CTDNEP1: variants seen among roughly 807,000 people sequenced by gnomAD.
CTDNEP1 encodes the protein C-terminal domain nuclear envelope phosphatase 1.
Under a neutral mutation model 30.1 loss-of-function variants are expected in CTDNEP1, and 3 were observed. That is an observed-to-expected ratio of 0.10 (90% confidence interval 0.05 to 0.26). The LOEUF is 0.26. CTDNEP1 is among the 10% of genes least tolerant of loss of function. The pLI, the probability that CTDNEP1 is intolerant of heterozygous loss-of-function variation, is 1.00. For missense variants in CTDNEP1, 158 were observed against 310.4 expected (o/e 0.51, Z 3.69); for synonymous variants, 123 against 118.8 (o/e 1.04, Z -0.23).
rs1421732924 is a variant in CTDNEP1 at position 7,247,269 on chromosome 17, ATACT to A, written c.169+4_169+7del. ...CACCCTAAAGGAGGCTTCCCACCAC[ATACT>A]TACCTAGCCGATTCCGGGACACAGG... On this transcript the variant is annotated splice_donor_5th_base_variant and intron_variant, in intron 2 of 7. Coordinates refer to ENST00000574322, the MANE Select transcript of CTDNEP1 (RefSeq NM_001143775.2). The A allele has an allele frequency of 3.7e-6, 6 of 1,613,710 alleles. No homozygotes were observed. The highest frequency in any genetic ancestry group is 5.1e-6 in the Non-Finnish European group (6 of 1,179,898).
At chr17:7,251,827 G>GGGA (rs1436938800), upstream of CTDNEP1, 4 of 154,176 alleles carry the variant, frequency 2.6e-5, no homozygotes, top group Non-Finnish European at 5.8e-5. Flanking sequence ...GGGAAGGAGG[G>GGGA]GGAGGGGGAG....
At chr17:7,247,469 T>TA in intron 1 of CTDNEP1, 126 bp from the exon 2 acceptor site, 12 of 685,994 alleles carry the variant, frequency 1.7e-5, no homozygotes, top group East Asian at 2.8e-5. Flanking sequence ...TATTTCTTCT[T>TA]CTTTTTTTTT....
chr17:7,244,435 G>C (rs756396186), intron 7 of CTDNEP1, 116 bp downstream of exon 7: 2 of 1,258,464 alleles, frequency 1.6e-6, no homozygotes, highest in Non-Finnish European at 2.3e-6. Context: ...GGGTCCAAAT[G>C]TTAAATTCTT....
Position 7,244,613 on chromosome 17 carries a change from G to A in CTDNEP1, c.612C>T (p.Ser204=). 2 of 1,612,824 alleles carry A rather than the reference G, an allele frequency of 1.2e-6. No individual in the cohort carries two copies. Among genetic ancestry groups the A allele is most frequent in the Non-Finnish European group, 1.7e-6 (2 of 1,179,590 alleles). Residue 204 remains serine (S), a synonymous_variant, in exon 7 of 8, where the codon TCC becomes TCT. Transcript: ENST00000574322. The part of the protein sequence containing the change: ...SHPDNAIPIK[S]WFSDPSDTAL... The stretch of plus-strand genomic sequence containing the variant: ...CTGTGTCGCTGGGGTCACTGAACCA[G>A]GATTTGATGGGGATGGCATTGTCTA...
intron 6 of CTDNEP1, among the ~76,000 whole-genome samples, chr17:7,245,494 TTTATTTA>T (rs1289274305): frequency 6.6e-6 from 1 of 151,472 alleles, no homozygotes; most frequent in Non-Finnish European, 1.5e-5. Flanking sequence ...TTTATTTTTA[TTTATTTA>T]TTATTTATTT....
chr17:7,245,602 G>A (rs2071826595), intron 6 of CTDNEP1, among the ~76,000 whole-genome samples: 3 of 151,588 alleles, frequency 2.0e-5, no homozygotes, highest in South Asian at 2.1e-4. Flanking sequence ...GGGTTCAAGC[G>A]ATTCTCCTGC....
In CTDNEP1 at chr17:7,251,561, C is replaced by T. The variant is rs1418461521; in HGVS notation, c.-265G>A. The T allele has an allele frequency of 3.7e-5, 6 of 162,560 alleles. No homozygotes were observed. The East Asian group carries it at 9.0e-4, about 24-fold the overall frequency. 10.1% of individuals were successfully genotyped at this position (162,560 alleles called of 1,614,324 possible). On this transcript the variant is annotated 5_prime_UTR_variant, in exon 1 of 8. Transcript: ENST00000574322. ...GGCACCGACGGCTTCGGGGAGGTTG[C>T]GGGCCGAGACAGGTAGGGCTAGGAT...
chr17:7,250,821 C>T (rs1379478589), intron 1 of CTDNEP1, among the ~76,000 whole-genome samples: 1 of 152,084 alleles, frequency 6.6e-6, no homozygotes, highest in African/African-American at 2.4e-5. Context: ...ACCGAGGTTC[C>T]AAATAGGGTC....
chr17:7,246,500 C>T lies in CTDNEP1; in HGVS notation c.361-130G>A, dbSNP rs931721910. 43 of 729,658 alleles carry T rather than the reference C, an allele frequency of 5.9e-5. No homozygotes were observed. The highest frequency in any genetic ancestry group is 3.9e-4 in the Middle Eastern group (1 of 2,588). 45.2% of individuals were successfully genotyped at this position (729,658 alleles called of 1,614,324 possible). ...TCAACATCAAATGTCTCTGAGGACA[C>T]GAAATTCTGAACCCCCAGCCCAAAC... On this transcript the variant is annotated intron_variant, in intron 4 of 7. Coordinates refer to ENST00000574322, the MANE Select transcript of CTDNEP1 (RefSeq NM_001143775.2). The surrounding 1 kb of genome is among the most constrained non-coding windows in gnomAD (Gnocchi z 4.9).
At position 7,246,849 on chromosome 17, in the gene CTDNEP1, T is replaced by C; in HGVS notation, c.302A>G (p.Lys101Arg). The change falls in exon 4 of 8, where the codon AAA becomes AGA. Residue 101 changes from lysine (K) to arginine (R), a missense_variant. This residue lies in a region of CTDNEP1 where 96 missense variants were observed against 229.1 expected (regional missense o/e 0.42). Coordinates refer to ENST00000574322, the MANE Select transcript of CTDNEP1 (RefSeq NM_001143775.2). This position sits in a 1 kb window ranked among gnomAD's most constrained non-coding sequence, Gnocchi z 4.9. ...ATGTACAAAAAACCGGACAGGATGT[T>C]TGTCTATTACCACCTACAGAGGAAC... ...PDFILKVVID[K>R]HPVRFFVHKR... 6.2e-7 allele frequency: 1 copy of C among 1,614,056 alleles called. No homozygotes were observed. Among genetic ancestry groups the C allele is most frequent in the Non-Finnish European group, 8.5e-7 (1 of 1,179,944 alleles).
Position 7,244,209 on chromosome 17 carries a change from G to A in CTDNEP1, c.711C>T (p.Asn237=). The change falls in exon 8 of 8, where the codon AAC becomes AAT. Residue 237 remains asparagine, a synonymous_variant. Transcript: ENST00000574322. ...GTCACCAGAGCCGATGTTGGTGAAG[G>A]TTTCGGCTCAGCACGGAACGAACAT... The part of the protein sequence containing the change: ...TADVRSVLSR[N]LHQHRLW 1 of 1,614,086 alleles carries A rather than the reference G, an allele frequency of 6.2e-7. No individual in the cohort carries two copies. Among genetic ancestry groups the A allele is most frequent in the African/African-American group, 1.3e-5 (1 of 75,060 alleles).
At position 7,247,380 on chromosome 17, in the gene CTDNEP1, A is replaced by AACAGTAAC. The variant is rs1171324931; in HGVS notation, c.103-38_103-37insGTTACTGT. On this transcript the variant is annotated intron_variant, in intron 1 of 7. Transcript: ENST00000574322. ...ACAAAAGAGGATTGAAACCCTTGAT[A>AACAGTAAC]AGGAAGCCTTCCCCAGTAACAGTAA... 10 of 1,552,770 alleles carry AACAGTAAC rather than the reference A, an allele frequency of 6.4e-6. No individual in the cohort carries two copies. The African/African-American group carries it at 1.4e-4, about 21-fold the overall frequency.
intron 1 of CTDNEP1, among the ~76,000 whole-genome samples, chr17:7,248,914 C>T (rs1037744126): frequency 1.3e-5 from 2 of 152,154 alleles, no homozygotes; most frequent in African/African-American, 4.8e-5. Flanking sequence ...CTATTTTAAC[C>T]AGCCACCTGT....
Position 7,246,584 on chromosome 17 carries a change from G to C in CTDNEP1, c.360+207C>G. The stretch of plus-strand genomic sequence containing the variant: ...ATGATTCAGAAATGCAAGAACAAAA[G>C]AGAAAGATGCCAGCGGAAAAGAATT... On this transcript the variant is annotated intron_variant, in intron 4 of 7. Transcript: ENST00000574322. This position sits in a 1 kb window ranked among gnomAD's most constrained non-coding sequence, Gnocchi z 4.9. 3.1e-6 allele frequency: 2 copies of C among 653,910 alleles called. No homozygotes were observed. Among genetic ancestry groups the C allele is most frequent in the Non-Finnish European group, 5.4e-6 (2 of 369,698 alleles). The allele number at this position is 653,910 out of a possible 1,614,324, so 40.5% of individuals were successfully genotyped here. A position where few individuals can be genotyped will look rare whatever the true frequency, so the allele number is the denominator to read the frequency against.
At position 7,243,875 on chromosome 17, in the gene CTDNEP1, ATGTC is replaced by A. The variant is rs1470891657; in HGVS notation, c.*306_*309del. ...CTCTTTGAGCCTCCTGGATCACCGTATGTCTGTCACTCTGGCCAGTCCTGCCTCT... is the reference window on the plus strand; with the variant it reads ...CTCTTTGAGCCTCCTGGATCACCGTATGTCACTCTGGCCAGTCCTGCCTCT... On this transcript the variant is annotated 3_prime_UTR_variant, in exon 8 of 8. Coordinates refer to ENST00000574322, the MANE Select transcript of CTDNEP1 (RefSeq NM_001143775.2). 1 of 1,114,222 alleles carries A rather than the reference ATGTC, an allele frequency of 9.0e-7. No homozygotes were observed. Among genetic ancestry groups the A allele is most frequent in the African/African-American group, 1.6e-5 (1 of 62,382 alleles). The allele number at this position is 1,114,222 out of a possible 1,614,324, so 69.0% of individuals were successfully genotyped here. A position where few individuals can be genotyped will look rare whatever the true frequency, so the allele number is the denominator to read the frequency against.
At chr17:7,244,298 C>CTG in intron 7 of CTDNEP1, 53 bp from the exon 8 acceptor site, 1 of 1,578,538 alleles carries the variant, frequency 6.3e-7, no homozygotes, top group Non-Finnish European at 8.7e-7. Flanking sequence ...CATACCCTCA[C>CTG]AACACTCTTG....
upstream of CTDNEP1, chr17:7,251,974 G>C (rs1428698388): frequency 1.2e-5 from 2 of 173,578 alleles, no homozygotes; most frequent in African/African-American, 2.4e-5. Flanking sequence ...CCGTCCAAAG[G>C]ACTCCCTCTT....
In CTDNEP1 at chr17:7,244,067, G is replaced by T; in HGVS notation, c.*118C>A. On this transcript the variant is annotated 3_prime_UTR_variant, in exon 8 of 8. Coordinates refer to ENST00000574322, the MANE Select transcript of CTDNEP1 (RefSeq NM_001143775.2). ...TGTAGGGCTCCCAGGGCAGAGAGGG[G>T]TGGGAGGGGCAGACCCTGCCCAGGC... 4 of 1,515,304 alleles carry T rather than the reference G, an allele frequency of 2.6e-6. No homozygotes were observed. Among genetic ancestry groups the T allele is most frequent in the South Asian group, 1.2e-5 (1 of 81,652 alleles). The allele number at this position is 1,515,304 out of a possible 1,614,324, so 93.9% of individuals were successfully genotyped here. A position where few individuals can be genotyped will look rare whatever the true frequency, so the allele number is the denominator to read the frequency against.
Position 7,244,172 on chromosome 17 carries a change from G to C in CTDNEP1, c.*13C>G. ...TCCCCCCCACCCCAACTCAGGTGGA[G>C]GGGGAGCAGCTGTCACCAGAGCCGA... On this transcript the variant is annotated 3_prime_UTR_variant, in exon 8 of 8. Transcript: ENST00000574322. 1 of 1,613,836 alleles carries C rather than the reference G, an allele frequency of 6.2e-7. No individual in the cohort carries two copies. The highest frequency in any genetic ancestry group is 1.3e-5 in the African/African-American group (1 of 75,072).
Sources: gnomAD v4.1 joint callset for allele counts (sites outside exome capture counted in the v4.1 genomes callset) on GRCh38, gnomAD v4.1.1 for gene constraint, gnomAD v4.1.1 regional missense constraint, Gnocchi (gnomAD v3.1) non-coding constraint, MANE v1.5 for transcripts, NCBI Gene and HGNC (gene_info 2026-07-23, HGNC 2026-07-21) for gene names.